The following MTAP variants were observed in gnomAD, a reference collection of about 807,000 sequenced individuals.
The protein encoded by MTAP is methylthioadenosine phosphorylase, also known as S-methyl-5'-thioadenosine phosphorylase.
MTAP carries 33 observed loss-of-function variants against 33.6 expected under a neutral mutation model. That is an observed-to-expected ratio of 0.98 (90% CI 0.74 to 1.31). MTAP has a LOEUF of 1.31. Among genes scored for constraint, MTAP ranks in the 40% most tolerant of loss-of-function variants. MTAP has a pLI of 0.00. For missense variants in MTAP, 367 were observed against 360.0 expected (o/e 1.02, Z -0.16); for synonymous variants, 148 against 125.7 (o/e 1.18, Z -1.19).
intron 1 of MTAP, among the ~76,000 whole-genome samples, chr9:21,905,388 C>T (rs1213012809): frequency 6.6e-6 from 1 of 151,770 alleles, no homozygotes; most frequent in Non-Finnish European, 1.5e-5. Flanking sequence ...GCCCCCCTCC[C>T]TGTATCAAAT....
intron 4 of MTAP, among the ~76,000 whole-genome samples, chr9:21,834,482 T>TAGATA (rs1825052752): frequency 6.6e-6 from 1 of 152,248 alleles, no homozygotes; most frequent in Non-Finnish European, 1.5e-5. Context: ...ATCGTGGGTC[T>TAGATA]CACTGAAACT....
intron 1 of MTAP, among the ~76,000 whole-genome samples, chr9:21,891,564 C>G (rs1234558619): frequency 6.6e-6 from 1 of 152,062 alleles, no homozygotes; most frequent in Admixed American, 6.6e-5. Flanking sequence ...ACCAGTTCTT[C>G]AAATCAACTC....
At chr9:21,816,039 C>T (rs916901490) in intron 2 of MTAP, among the ~76,000 whole-genome samples, 2 of 152,292 alleles carry the variant, frequency 1.3e-5, no homozygotes, top group Admixed American at 1.3e-4. Context: ...TGCTTGTTCT[C>T]CAAGCCCATG....
rs569725867 is a variant in MTAP at position 21,864,665 on chromosome 9, G to C, written c.*2651G>C. On this transcript the variant is annotated 3_prime_UTR_variant, in exon 8 of 8. Coordinates refer to ENST00000644715, the MANE Select transcript of MTAP (RefSeq NM_002451.4). ...GCACGAGTTGCTGTGCAGGGCTGGAGGTAGCTACCATGGCTTGTTTCAAGG... is the reference window on the plus strand; with the variant it reads ...GCACGAGTTGCTGTGCAGGGCTGGACGTAGCTACCATGGCTTGTTTCAAGG... 4.1e-6 allele frequency: 4 copies of C among 985,532 alleles called. No individual in the cohort carries two copies. Among genetic ancestry groups the C allele is most frequent in the Non-Finnish European group, 4.8e-6 (4 of 830,020 alleles). 61.0% of individuals were successfully genotyped at this position (985,532 alleles called of 1,614,324 possible).
intron 1 of MTAP, among the ~76,000 whole-genome samples, chr9:21,880,286 G>A (rs1817984453): frequency 6.6e-6 from 1 of 152,066 alleles, no homozygotes. Flanking sequence ...CTCACCAGAT[G>A]CCAGTGCCAT....
chr9:21,815,517 A>C lies in MTAP; in HGVS notation c.118A>C (p.Lys40Gln), dbSNP rs773376144. 2.0e-5 allele frequency: 32 copies of C among 1,602,714 alleles called. No homozygotes were observed. Among genetic ancestry groups the C allele is most frequent in the East Asian group, 2.2e-5 (1 of 44,790 alleles). The change falls in exon 2 of 8, where the codon AAG becomes CAG. Residue 40 changes from lysine (K) to glutamine (Q), a missense_variant and splice_region_variant. Transcript: ENST00000644715. ...AAAATATGTGGATACTCCATTTGGCAAGGTTAATATCCAACTTGTGGAGAC... is the reference window on the plus strand; with the variant it reads ...AAAATATGTGGATACTCCATTTGGCCAGGTTAATATCCAACTTGTGGAGAC... ...TEKYVDTPFG[K>Q]PSDALILGKI...
At chr9:21,884,192 G>T (rs1434964219) in intron 1 of MTAP, among the ~76,000 whole-genome samples, 2 of 152,140 alleles carry the variant, frequency 1.3e-5, no homozygotes, top group Non-Finnish European at 2.9e-5. Context: ...GAGCTGAAAA[G>T]TGATCAATTG....
At chr9:21,834,996 C>G (rs1337711722) in intron 4 of MTAP, among the ~76,000 whole-genome samples, 2 of 152,120 alleles carry the variant, frequency 1.3e-5, no homozygotes, top group African/African-American at 4.8e-5. Context: ...ATACCATAGA[C>G]TGGGTAGCTT....
At chr9:21,927,761 C>G (rs1383475462) in intron 1 of MTAP, among the ~76,000 whole-genome samples, 5 of 152,164 alleles carry the variant, frequency 3.3e-5, no homozygotes, top group Admixed American at 1.3e-4. Flanking sequence ...GGCCCTAAAA[C>G]TTGGGGAAAG....
intron 1 of MTAP, among the ~76,000 whole-genome samples, chr9:21,917,510 A>C (rs538077589): frequency 6.6e-6 from 1 of 152,332 alleles, no homozygotes; most frequent in Non-Finnish European, 1.5e-5. Context: ...GTCACTAATC[A>C]TCAGGGAAAT....
chr9:21,827,676 A>G (rs1343456841), intron 4 of MTAP, among the ~76,000 whole-genome samples: 1 of 152,154 alleles, frequency 6.6e-6, no homozygotes. Flanking sequence ...TTTGCACCAT[A>G]TCACCAACAC....
intron 5 of MTAP, among the ~76,000 whole-genome samples, chr9:21,839,541 A>G (rs147367379): frequency 6.6e-6 from 1 of 152,362 alleles, no homozygotes; most frequent in African/African-American, 2.4e-5. Context: ...AATTTCCAGT[A>G]ATCCAAGTTA....
At chr9:21,919,569 C>T (rs1009448916) in intron 1 of MTAP, among the ~76,000 whole-genome samples, 5 of 152,118 alleles carry the variant, frequency 3.3e-5, no homozygotes, top group African/African-American at 4.8e-5. Context: ...TTGGTTTTGC[C>T]ATGTATAAAA....
rs556251319 is a variant in MTAP at position 21,883,755 on chromosome 9, A to G, written c.147+28885A>G. On this transcript the variant is annotated intron_variant, in intron 1 of 1. Transcript: ENST00000577563. Reference sequence around the variant, plus strand: ...GGAGTTTCTGAGCAAACAATAGGGAACCCTCTAGTGTACAGGTAGGGAAGC... The same window carrying G: ...GGAGTTTCTGAGCAAACAATAGGGAGCCCTCTAGTGTACAGGTAGGGAAGC... 2.6e-5 allele frequency among the ~76,000 whole-genome samples: 4 copies of G among 151,320 alleles called. No homozygotes were observed. In the South Asian group the frequency reaches 8.4e-4, roughly 32 times the overall value.
chr9:21,875,586 CTTT>C (rs1825994208), intron 1 of MTAP, among the ~76,000 whole-genome samples: 1 of 152,088 alleles, frequency 6.6e-6, no homozygotes, highest in African/African-American at 2.4e-5. Flanking sequence ...CCAGTGTCTT[CTTT>C]GTGTCTGTGA....
At chr9:21,829,629 GA>G (rs112204383) in intron 4 of MTAP, among the ~76,000 whole-genome samples, 125 of 142,130 alleles carry the variant, frequency 8.8e-4, no homozygotes, top group South Asian at 9.0e-4. Flanking sequence ...CGTTGTCTCA[GA>G]AAAAAAAAAA....
chr9:21,812,795 G>A (rs1824383818), intron 1 of MTAP, among the ~76,000 whole-genome samples: 1 of 152,214 alleles, frequency 6.6e-6, no homozygotes, highest in Non-Finnish European at 1.5e-5. Context: ...TGTTATGGAG[G>A]ACTCCAGGGG....
chr9:21,931,441 A>C, downstream of MTAP: 2 of 366,990 alleles, frequency 5.4e-6, no homozygotes, highest in African/African-American at 2.1e-5. Context: ...TAAAATAATA[A>C]TAGGTTGCAA....
rs372861176 is a variant in MTAP, at chr9:21,854,753, G to A, written c.573G>A (p.Ala191=). 104 of 1,614,036 alleles carry A rather than the reference G, an allele frequency of 6.4e-5. No homozygotes were observed. Among genetic ancestry groups the A allele is most frequent in the African/African-American group, 1.3e-4 (10 of 74,922 alleles). The change falls in exon 6 of 8, where the codon GCG becomes GCA. Residue 191 remains alanine, a synonymous_variant. Transcript: ENST00000644715. ...GCTTCATGTTCCGCACCTGGGGGGCGGATGTTATCAACATGACCACAGTTC... is the reference window on the plus strand; with the variant it reads ...GCTTCATGTTCCGCACCTGGGGGGCAGATGTTATCAACATGACCACAGTTC... The part of the protein sequence containing the change: ...AESFMFRTWG[A]DVINMTTVPE...
Sources: allele counts gnomAD v4.1 joint callset (sites outside exome capture counted in the v4.1 genomes callset), GRCh38; gene constraint gnomAD v4.1.1; transcripts MANE v1.5; gene names NCBI Gene and HGNC (gene_info 2026-07-23, HGNC 2026-07-21).